Variants in KLF12 observed in about 807,000 individuals in gnomAD.
The protein encoded by KLF12 is KLF transcription factor 12.
A neutral mutation model predicts 37.8 loss-of-function variants in KLF12; 9 were observed. That is an observed-to-expected ratio of 0.24 (90% CI 0.14 to 0.42). The LOEUF (loss-of-function observed/expected upper bound fraction) is 0.42, where lower values mean the gene tolerates loss of function less well. Among genes scored for constraint, KLF12 ranks in the 10% least tolerant of loss-of-function variants. The pLI, the probability that KLF12 is intolerant of heterozygous loss-of-function variation, is 1.00. For missense variants in KLF12, 411 were observed against 516.0 expected (o/e 0.80, Z 1.97); for synonymous variants, 208 against 202.1 (o/e 1.03, Z -0.25).
intron 5 of KLF12, among the ~76,000 whole-genome samples, chr13:73,788,650 T>C (rs899397376): frequency 6.6e-6 from 1 of 152,192 alleles, no homozygotes; most frequent in Admixed American, 6.5e-5. Context: ...ATTTTTTTTT[T>C]TTATTTTTAA....
chr13:74,171,744 C>T, the KLF12 span, among the ~76,000 whole-genome samples: 1 of 152,104 alleles, frequency 6.6e-6, no homozygotes, highest in Admixed American at 6.6e-5. Context: ...AAATGTTCAG[C>T]TGCTAAAAAG....
intron 3 of KLF12, among the ~76,000 whole-genome samples, chr13:73,938,083 A>AATT (rs1890028643): frequency 6.6e-6 from 1 of 152,194 alleles, no homozygotes; most frequent in African/African-American, 2.4e-5. Flanking sequence ...TAATTCTACC[A>AATT]ATTTAGTCAA....
At chr13:74,224,084 T>C in the KLF12 span, among the ~76,000 whole-genome samples, 1 of 152,172 alleles carries the variant, frequency 6.6e-6, no homozygotes, top group African/African-American at 2.4e-5. Flanking sequence ...CTCTGCCCTT[T>C]TGTTCAAGTT....
chr13:73,965,081 T>C (rs1332051970), intron 2 of KLF12, among the ~76,000 whole-genome samples: 1 of 152,126 alleles, frequency 6.6e-6, no homozygotes. Context: ...CAGGTACACT[T>C]GTAACCCATC....
At chr13:73,727,220 C>A (rs1308887818) in intron 6 of KLF12, among the ~76,000 whole-genome samples, 2 of 151,956 alleles carry the variant, frequency 1.3e-5, no homozygotes, top group East Asian at 3.9e-4. Flanking sequence ...CGATTTAGTT[C>A]ACTTTATTAT....
chr13:74,198,421 G>T, the KLF12 span, among the ~76,000 whole-genome samples: 1 of 152,136 alleles, frequency 6.6e-6, no homozygotes, highest in Non-Finnish European at 1.5e-5. Flanking sequence ...CGTTCAATGT[G>T]GCACCTTGTA....
intron 4 of KLF12, among the ~76,000 whole-genome samples, chr13:73,834,475 CAT>C (rs1055233375): frequency 1.3e-5 from 2 of 152,206 alleles, no homozygotes; most frequent in African/African-American, 4.8e-5. Flanking sequence ...TGTCCCAAGA[CAT>C]AACTGTCCAT....
rs1227726024 is a variant in KLF12 at position 73,688,196 on chromosome 13, G to T, written c.*7294C>A. ...ACTTCCATGAATCAATACTGTCAGA[G>T]ACCTTGTTCTACACAGAAAGTGGGA... is the stretch of plus-strand genomic sequence containing the variant. On this transcript the variant is annotated 3_prime_UTR_variant, in exon 8 of 8. Coordinates refer to ENST00000377669, the MANE Select transcript of KLF12 (RefSeq NM_007249.5). 24 of 152,280 alleles carry T rather than the reference G, an allele frequency of 1.6e-4. No homozygotes were observed. Among genetic ancestry groups the T allele is most frequent in the Admixed American group, 1.6e-3 (24 of 15,254 alleles). The allele number at this position is 152,280 out of a possible 1,614,324, so 9.4% of individuals were successfully genotyped here. A position where few individuals can be genotyped will look rare whatever the true frequency, so the allele number is the denominator to read the frequency against.
At chr13:73,859,680 G>A (rs1885814439) in intron 3 of KLF12, among the ~76,000 whole-genome samples, 1 of 152,070 alleles carries the variant, frequency 6.6e-6, no homozygotes, top group Non-Finnish European at 1.5e-5. Flanking sequence ...TTGTTCTCAA[G>A]TCAGCCTTTA....
chr13:74,095,557 T>G (rs1266083845), intron 1 of KLF12, among the ~76,000 whole-genome samples: 1 of 151,784 alleles, frequency 6.6e-6, no homozygotes, highest in Non-Finnish European at 1.5e-5. Context: ...CCCAGCTTAT[T>G]TTGTGTGTGT....
chr13:73,808,138 A>T (rs1882742897), intron 5 of KLF12, among the ~76,000 whole-genome samples: 1 of 152,102 alleles, frequency 6.6e-6, no homozygotes, highest in Non-Finnish European at 1.5e-5. Flanking sequence ...TTTCATAACT[A>T]TGTTTGTCAA....
Position 73,700,297 on chromosome 13 carries a change from TTAAA to T in KLF12, c.1028-4630_1028-4627del, listed in dbSNP as rs1268752763. ...ATAAATAAATAAATTAATTAATTAATTAAAAAGAAAAAATAATAATAAAAAAATT... is the reference window on the plus strand; with the variant it reads ...ATAAATAAATAAATTAATTAATTAATAAGAAAAAATAATAATAAAAAAATT... On this transcript the variant is annotated intron_variant, in intron 7 of 7. Coordinates refer to ENST00000377669, the MANE Select transcript of KLF12 (RefSeq NM_007249.5). Among the ~76,000 whole-genome samples the T allele has an allele frequency of 1.5e-4, 23 of 150,888 alleles. No homozygotes were observed. In the Middle Eastern group the frequency reaches 0.01, roughly 67 times the overall value.
At chr13:74,050,812 A>C (rs1480909701) in intron 1 of KLF12, among the ~76,000 whole-genome samples, 1 of 152,232 alleles carries the variant, frequency 6.6e-6, no homozygotes. Context: ...TATCTGCTAA[A>C]CATTCATTTG....
At chr13:73,966,942 T>C (rs932857383) in intron 2 of KLF12, among the ~76,000 whole-genome samples, 5 of 152,202 alleles carry the variant, frequency 3.3e-5, no homozygotes, top group African/African-American at 9.7e-5. Flanking sequence ...ATGACATGCA[T>C]TGCATATTGA....
intron 7 of KLF12, among the ~76,000 whole-genome samples, chr13:73,699,546 C>T (rs1005373033): frequency 6.6e-5 from 10 of 152,158 alleles, no homozygotes; most frequent in Admixed American, 2.0e-4. Flanking sequence ...GTATGAAGAT[C>T]AGGAGTGCCT....
intron 6 of KLF12, among the ~76,000 whole-genome samples, chr13:73,735,104 A>G (rs950003251): frequency 1.5e-4 from 22 of 149,408 alleles, no homozygotes; most frequent in Non-Finnish European, 2.8e-4. Flanking sequence ...CCTGGGCAAC[A>G]TAGCAAGTTC....
At chr13:74,042,892 T>C (rs1466368637) in intron 1 of KLF12, among the ~76,000 whole-genome samples, 3 of 152,166 alleles carry the variant, frequency 2.0e-5, no homozygotes, top group Non-Finnish European at 4.4e-5. Flanking sequence ...GCCTTTCTAG[T>C]ACCTCAATAT....
intron 1 of KLF12, among the ~76,000 whole-genome samples, chr13:74,049,959 T>C (rs1333604611): frequency 7.9e-6 from 1 of 127,036 alleles, no homozygotes; most frequent in Admixed American, 8.0e-5. Flanking sequence ...ATGAGATTTC[T>C]GGTGATGGTG....
chr13:74,132,755 CT>C (rs1048757166), intron 1 of KLF12, among the ~76,000 whole-genome samples: 6 of 152,178 alleles, frequency 3.9e-5, no homozygotes, highest in African/African-American at 1.4e-4. Context: ...GGAATTGGTA[CT>C]TTTTCCAAGC....
Sources: allele counts gnomAD v4.1 joint callset (sites outside exome capture counted in the v4.1 genomes callset), GRCh38; gene constraint gnomAD v4.1.1; transcripts MANE v1.5; gene names NCBI Gene and HGNC (gene_info 2026-07-23, HGNC 2026-07-21).